TBC1D1: variants seen among roughly 807,000 people sequenced by gnomAD.
The protein encoded by TBC1D1 is TBC1 (tre-2/USP6, BUB2, cdc16) domain family, member 1.
In TBC1D1, 89 loss-of-function variants were observed where a neutral mutation model predicts 125.6. That is an observed-to-expected ratio of 0.71 (90% confidence interval 0.60 to 0.85). The LOEUF is 0.85. TBC1D1 is among the 40% of genes least tolerant of loss of function. TBC1D1 has a pLI of 0.00. For synonymous variants in TBC1D1, 565 were observed against 564.1 expected, an observed-to-expected ratio of 1.00 and a Z score of -0.02; for missense variants, 1,377 against 1,469.2, an observed-to-expected ratio of 0.94 and a Z score of 1.03.
chr4:38,113,249 G>A (rs1020943942), intron 15 of TBC1D1, among the ~76,000 whole-genome samples: 5 of 152,176 alleles, frequency 3.3e-5, no homozygotes, highest in African/African-American at 1.2e-4. Flanking sequence ...GAGCCAGTGT[G>A]ACCGCACAGA....
intron 2 of TBC1D1, among the ~76,000 whole-genome samples, chr4:37,997,778 CT>C (rs1465064012): frequency 1.5e-3 from 216 of 144,114 alleles, no homozygotes; most frequent in Middle Eastern, 3.6e-3. Flanking sequence ...TATACATTTA[CT>C]TTTTTTTTTT....
chr4:38,093,010 A>ATGTG (rs1341053231), intron 13 of TBC1D1, among the ~76,000 whole-genome samples: 1 of 152,210 alleles, frequency 6.6e-6, no homozygotes, highest in Non-Finnish European at 1.5e-5. Flanking sequence ...AACTCCACAC[A>ATGTG]GATAATGGCC....
chr4:37,934,184 G>C (rs1045491795), intron 2 of TBC1D1, among the ~76,000 whole-genome samples: 1 of 152,148 alleles, frequency 6.6e-6, no homozygotes, highest in Non-Finnish European at 1.5e-5. Context: ...GGAGGAAAAA[G>C]GAGTCAGACC....
chr4:38,072,221 A>G (rs1298322500), intron 12 of TBC1D1, among the ~76,000 whole-genome samples: 3 of 152,238 alleles, frequency 2.0e-5, no homozygotes, highest in Non-Finnish European at 4.4e-5. Context: ...ACACGTCTGT[A>G]TGACAGAGAG....
intron 11 of TBC1D1, among the ~76,000 whole-genome samples, chr4:38,050,733 G>A (rs759448470): frequency 9.9e-5 from 15 of 152,220 alleles, no homozygotes; most frequent in Non-Finnish European, 1.6e-4. Flanking sequence ...CTATGTGTTC[G>A]TGTAGTTCAT....
intron 12 of TBC1D1, among the ~76,000 whole-genome samples, chr4:38,068,751 T>C (rs1483644830): frequency 6.6e-6 from 1 of 152,172 alleles, no homozygotes; most frequent in African/African-American, 2.4e-5. Context: ...TAAGCAGAGC[T>C]CAAGAACATT....
chr4:37,950,827 C>T (rs573888065), intron 2 of TBC1D1, among the ~76,000 whole-genome samples: 13 of 149,244 alleles, frequency 8.7e-5, no homozygotes, highest in African/African-American at 3.2e-4. Flanking sequence ...GGTGTGATCT[C>T]GACTCACTGA....
At chr4:38,029,557 C>T (rs142004092) in intron 7 of TBC1D1, among the ~76,000 whole-genome samples, 2 of 152,216 alleles carry the variant, frequency 1.3e-5, no homozygotes, top group African/African-American at 4.8e-5. Context: ...TCAGTAGAGA[C>T]GGGGTTTCAC....
Position 38,049,605 on chromosome 4 carries a change from T to G in TBC1D1, c.1630-13T>G. The G allele has an allele frequency of 6.3e-7, 1 of 1,594,350 alleles. No homozygotes were observed. On this transcript the variant is annotated splice_polypyrimidine_tract_variant and intron_variant, in intron 10 of 19. Coordinates refer to ENST00000261439, the MANE Select transcript of TBC1D1 (RefSeq NM_015173.4). ...CCCATGGTGTGTCTGATCTGCTGTG[T>G]GTTTGCTCCCAGGAGCCATCTGTGT...
intron 14 of TBC1D1, among the ~76,000 whole-genome samples, chr4:38,100,126 T>A (rs769628173): frequency 3.5e-4 from 54 of 152,186 alleles, no homozygotes; most frequent in Admixed American, 9.8e-4. Context: ...CGTGTGTGTG[T>A]ATGTACCCAG....
At chr4:37,945,890 G>A (rs1353358118) in intron 2 of TBC1D1, among the ~76,000 whole-genome samples, 4 of 152,246 alleles carry the variant, frequency 2.6e-5, no homozygotes, top group South Asian at 4.2e-4. Flanking sequence ...GTTTAAAGTC[G>A]CAGCCAAAAT....
chr4:38,094,483 C>T (rs1408981476), intron 13 of TBC1D1, among the ~76,000 whole-genome samples: 2 of 152,086 alleles, frequency 1.3e-5, no homozygotes, highest in African/African-American at 2.4e-5. Flanking sequence ...GAAGTTCTTG[C>T]CCTGGAGCCT....
chr4:38,073,292 T>C (rs1459781522), intron 12 of TBC1D1, among the ~76,000 whole-genome samples: 1 of 152,234 alleles, frequency 6.6e-6, no homozygotes, highest in African/African-American at 2.4e-5. Context: ...TCTTCTGGAT[T>C]GCAGATTTTC....
chr4:37,998,331 C>G (rs1252463743), intron 2 of TBC1D1, among the ~76,000 whole-genome samples: 1 of 152,232 alleles, frequency 6.6e-6, no homozygotes, highest in East Asian at 1.9e-4. Flanking sequence ...TTCTGCCTGT[C>G]ATCCTTCCTC....
At chr4:37,999,305 G>A (rs1738513130) in intron 2 of TBC1D1, among the ~76,000 whole-genome samples, 1 of 152,062 alleles carries the variant, frequency 6.6e-6, no homozygotes, top group African/African-American at 2.4e-5. Flanking sequence ...TTTCTTTCAT[G>A]TTTAACCTAC....
intron 2 of TBC1D1, among the ~76,000 whole-genome samples, chr4:37,942,607 C>T (rs776088703): frequency 7.9e-5 from 12 of 152,092 alleles, no homozygotes; most frequent in East Asian, 1.9e-4. Context: ...GGCACGATCT[C>T]GGCTCACTGC....
intron 2 of TBC1D1, among the ~76,000 whole-genome samples, chr4:37,920,008 G>C (rs948076261): frequency 1.4e-4 from 21 of 152,334 alleles, no homozygotes; most frequent in African/African-American, 5.1e-4. Flanking sequence ...AGCTACTTGG[G>C]AGGCTGAGGC....
At chr4:38,071,635 G>T (rs983100842) in intron 12 of TBC1D1, among the ~76,000 whole-genome samples, 3 of 152,148 alleles carry the variant, frequency 2.0e-5, no homozygotes, top group Non-Finnish European at 4.4e-5. Context: ...AATGGTTCCT[G>T]CCTCATGCCG....
At chr4:38,075,855 T>C (rs1453596445) in intron 12 of TBC1D1, among the ~76,000 whole-genome samples, 1 of 152,234 alleles carries the variant, frequency 6.6e-6, no homozygotes, top group African/African-American at 2.4e-5. Context: ...CCTTTGACAG[T>C]CACCTGTACA....
Sources: gnomAD v4.1 joint callset for allele counts (sites outside exome capture counted in the v4.1 genomes callset) on GRCh38, gnomAD v4.1.1 for gene constraint, MANE v1.5 for transcripts, NCBI Gene and HGNC (gene_info 2026-07-23, HGNC 2026-07-21) for gene names.